CDK5RAP2: variants seen among roughly 807,000 people sequenced by gnomAD.
The protein encoded by CDK5RAP2 is CDK5 regulatory subunit associated protein 2, also known as CDK5 regulatory subunit-associated protein 2.
CDK5RAP2 carries 147 observed loss-of-function variants against 232.9 expected under a neutral mutation model. The ratio of observed to expected loss-of-function variants is 0.63; its 90% CI spans 0.55 to 0.72. The LOEUF (loss-of-function observed/expected upper bound fraction) is 0.72. Ranked by LOEUF, CDK5RAP2 falls within the 30% of genes least tolerant of loss-of-function variation. CDK5RAP2 has a pLI of 0.00. For synonymous variants in CDK5RAP2, 833 were observed against 833.7 expected, an observed-to-expected ratio of 1.00 and a Z score of 0.01; for missense variants, 2,195 against 2,231.5, an observed-to-expected ratio of 0.98 and a Z score of 0.33.
intron 3 of CDK5RAP2, among the ~76,000 whole-genome samples, chr9:120,563,488 G>C (rs1386443218): frequency 6.6e-6 from 1 of 152,232 alleles, no homozygotes; most frequent in East Asian, 1.9e-4. Context: ...CTTTGGATTA[G>C]AGCAGACAGA....
intron 3 of CDK5RAP2, among the ~76,000 whole-genome samples, chr9:120,559,488 CAAAAAAAAAA>C (rs558274119): frequency 4.1e-5 from 2 of 48,884 alleles, no homozygotes; most frequent in Admixed American, 2.5e-4. Context: ...GACTCTGTCT[CAAAAAAAAAA>C]AAAAAAAAAA....
At chr9:120,535,045 A>G (rs1021198613) in intron 7 of CDK5RAP2, among the ~76,000 whole-genome samples, 8 of 152,238 alleles carry the variant, frequency 5.3e-5, no homozygotes, top group African/African-American at 1.9e-4. Context: ...GTCAAGAAAA[A>G]CACAAGGTGT....
intron 34 of CDK5RAP2, among the ~76,000 whole-genome samples, chr9:120,402,585 C>A (rs939690556): frequency 6.6e-6 from 1 of 152,166 alleles, no homozygotes; most frequent in African/African-American, 2.4e-5. Flanking sequence ...CAGCAGAGCC[C>A]ATGGAGCAGT....
chr9:120,457,131 T>TA (rs1276031758), intron 20 of CDK5RAP2, among the ~76,000 whole-genome samples: 1 of 152,212 alleles, frequency 6.6e-6, no homozygotes, highest in Non-Finnish European at 1.5e-5. Context: ...GGGGATTTTT[T>TA]AAAAACCCAT....
intron 28 of CDK5RAP2, among the ~76,000 whole-genome samples, chr9:120,412,507 C>T (rs1370309864): frequency 6.6e-6 from 1 of 152,192 alleles, no homozygotes; most frequent in Non-Finnish European, 1.5e-5. Context: ...AGGAAAAAGC[C>T]CCACCTTCTT....
At chr9:120,464,527 G>A (rs1481286202) in intron 18 of CDK5RAP2, among the ~76,000 whole-genome samples, 1 of 152,112 alleles carries the variant, frequency 6.6e-6, no homozygotes, top group Non-Finnish European at 1.5e-5. Flanking sequence ...ATTACCTCTG[G>A]TCTTGCTACT....
intron 32 of CDK5RAP2, among the ~76,000 whole-genome samples, chr9:120,405,442 T>C (rs2033366653): frequency 1.3e-5 from 2 of 152,222 alleles, no homozygotes; most frequent in South Asian, 4.1e-4. Flanking sequence ...TCACTTCAGC[T>C]ACCCAACTCT....
Position 120,414,889 on chromosome 9 carries a change from T to C in CDK5RAP2, c.4297+151A>G, listed in dbSNP as rs77139512. On this transcript the variant is annotated intron_variant, in intron 28 of 37. Transcript: ENST00000349780. ...AAGTTAAATGAGATGCCAGTCACAA[T>C]TCAGGATGCCAGAGGCTGGCAGACT... 4.9e-6 allele frequency: 4 copies of C among 823,788 alleles called. No individual in the cohort carries two copies. In the East Asian group the frequency reaches 7.8e-5, roughly 16 times the overall value. 51.0% of individuals were successfully genotyped at this position (823,788 alleles called of 1,614,324 possible).
chr9:120,516,523 A>T (rs1282343618), intron 12 of CDK5RAP2, among the ~76,000 whole-genome samples: 2 of 151,694 alleles, frequency 1.3e-5, no homozygotes, highest in Non-Finnish European at 2.9e-5. Flanking sequence ...TAATAATAAA[A>T]AATAAAAAAT....
chr9:120,507,910 TAAAAAAAAAA>T (rs1161123095), intron 12 of CDK5RAP2, among the ~76,000 whole-genome samples: 11 of 59,422 alleles, frequency 1.9e-4, no homozygotes, highest in African/African-American at 9.0e-4. Context: ...ACTGGCTGAT[TAAAAAAAAAA>T]AAAAAAAAAA....
chr9:120,548,422 A>AT (rs1351315632), intron 4 of CDK5RAP2, among the ~76,000 whole-genome samples: 1 of 152,240 alleles, frequency 6.6e-6, no homozygotes, highest in Non-Finnish European at 1.5e-5. Context: ...CAAGCCCAAT[A>AT]TCTCAAGTTA....
At chr9:120,520,751 A>C (rs2040588634) in intron 11 of CDK5RAP2, among the ~76,000 whole-genome samples, 1 of 120,492 alleles carries the variant, frequency 8.3e-6, no homozygotes, top group Admixed American at 8.0e-5. Context: ...GTGATATCTC[A>C]TATCTCATGA....
intron 3 of CDK5RAP2, among the ~76,000 whole-genome samples, chr9:120,567,024 T>C (rs576551538): frequency 6.6e-6 from 1 of 152,304 alleles, no homozygotes; most frequent in African/African-American, 2.4e-5. Context: ...AAGTAACATA[T>C]ACAAAGAGCT....
At chr9:120,542,715 G>A (rs1411826621) in intron 5 of CDK5RAP2, among the ~76,000 whole-genome samples, 1 of 152,092 alleles carries the variant, frequency 6.6e-6, no homozygotes, top group Non-Finnish European at 1.5e-5. Flanking sequence ...CCCTTTTCCT[G>A]GCCTATAGTC....
intron 25 of CDK5RAP2, among the ~76,000 whole-genome samples, chr9:120,430,624 G>A (rs1351275910): frequency 5.9e-5 from 9 of 152,096 alleles, no homozygotes; most frequent in Non-Finnish European, 1.2e-4. Context: ...AGGTGCTAGA[G>A]AGGATGTGGA....
In CDK5RAP2 at chr9:120,409,477, T is replaced by C. The variant is rs2297454; in HGVS notation, c.4415-161A>G. ...TCTTACACACTTTGGGCAGATAAAT[T>C]TGTCAACATCAAGGCTGCAGATTAA... is the stretch of plus-strand genomic sequence containing the variant. On this transcript the variant is annotated intron_variant, in intron 29 of 37. Coordinates refer to ENST00000349780, the MANE Select transcript of CDK5RAP2 (RefSeq NM_018249.6). 0.37 allele frequency among the ~76,000 whole-genome samples: 55,595 copies of C among 152,220 alleles called. 11,574 individuals carry two copies. The highest frequency in any genetic ancestry group is 0.58 in the African/African-American group (24,073 of 41,532).
chr9:120,498,471 A>G (rs2039420578), intron 12 of CDK5RAP2, among the ~76,000 whole-genome samples: 1 of 152,252 alleles, frequency 6.6e-6, no homozygotes, highest in African/African-American at 2.4e-5. Context: ...CTAAGCAGAC[A>G]TGACAATTCA....
chr9:120,571,689 C>T (rs2042861385), intron 2 of CDK5RAP2: 3 of 411,524 alleles, frequency 7.3e-6, no homozygotes, highest in East Asian at 5.5e-5. Flanking sequence ...GTCCAGCCTC[C>T]GTGCAGTTGT....
chr9:120,480,889 G>C (rs139399524), intron 14 of CDK5RAP2, among the ~76,000 whole-genome samples: 13 of 152,338 alleles, frequency 8.5e-5, no homozygotes, highest in African/African-American at 4.8e-5. Context: ...TGTAAATCAT[G>C]CCACATGTCA....
Sources: gnomAD v4.1 joint callset for allele counts (sites outside exome capture counted in the v4.1 genomes callset) on GRCh38, gnomAD v4.1.1 for gene constraint, MANE v1.5 for transcripts, NCBI Gene and HGNC (gene_info 2026-07-23, HGNC 2026-07-21) for gene names.